Variants in NLRP5 observed in about 807,000 individuals in gnomAD.
NLRP5 encodes NLR family pyrin domain containing 5.
In NLRP5, 93 loss-of-function variants were observed where a neutral mutation model predicts 113.1. The ratio of observed to expected loss-of-function variants is 0.82; its 90% confidence interval spans 0.70 to 0.98. The LOEUF (loss-of-function observed/expected upper bound fraction) is 0.98. Ranked by LOEUF, NLRP5 falls within the 50% of genes least tolerant of loss-of-function variation. The pLI is 0.00. For synonymous variants in NLRP5, 751 were observed against 600.7 expected (o/e 1.25, Z -3.66); for missense variants, 1,808 against 1,514.3 (o/e 1.19, Z -3.22).
At chr19:55,995,056 G>A (rs1418392925), upstream of NLRP5, among the ~76,000 whole-genome samples, 2 of 152,240 alleles carry the variant, frequency 1.3e-5, no homozygotes, top group Admixed American at 1.3e-4. Context: ...CATGCTCTTT[G>A]TAGGGACATG....
At chr19:56,006,047 A>G (rs888820626) in intron 2 of NLRP5, among the ~76,000 whole-genome samples, 1 of 152,310 alleles carries the variant, frequency 6.6e-6, no homozygotes, top group African/African-American at 2.4e-5. Flanking sequence ...GCAGTTTTCC[A>G]TGAGGTAGAG....
intron 9 of NLRP5, among the ~76,000 whole-genome samples, chr19:56,035,385 ATGT>A (rs761700119): frequency 6.6e-6 from 1 of 152,232 alleles, no homozygotes; most frequent in African/African-American, 2.4e-5. Flanking sequence ...CAAAGCATAA[ATGT>A]TGTCTCAGGA....
chr19:56,053,974 C>T (rs574328702), intron 13 of NLRP5, among the ~76,000 whole-genome samples, 166 bp downstream of exon 13: 6 of 152,174 alleles, frequency 3.9e-5, no homozygotes, highest in South Asian at 2.1e-4. Context: ...AGTTCCAGCT[C>T]GGCTCCTATG....
chr19:56,032,120 G>T (rs768421229), intron 7 of NLRP5, among the ~76,000 whole-genome samples: 12 of 152,240 alleles, frequency 7.9e-5, no homozygotes, highest in Non-Finnish European at 1.5e-4. Flanking sequence ...CAAGGCGGGG[G>T]CAGATCATGA....
At chr19:55,999,544 A>G (rs1981541772), upstream of NLRP5, among the ~76,000 whole-genome samples, 1 of 152,038 alleles carries the variant, frequency 6.6e-6, no homozygotes, top group Non-Finnish European at 1.5e-5. Context: ...TCTGGCAGGT[A>G]GCTTTAGAGC....
At position 56,055,537 on chromosome 19, in the gene NLRP5, C is replaced by CTTTTTTTTTTTTTT; in HGVS notation, c.3299+1742_3299+1755dup. Among the ~76,000 whole-genome samples, 180 of 76,422 alleles carry CTTTTTTTTTTTTTT rather than the reference C, an allele frequency of 2.4e-3. 15 individuals are homozygous for CTTTTTTTTTTTTTT. Among genetic ancestry groups the CTTTTTTTTTTTTTT allele is most frequent in the Non-Finnish European group, 3.2e-3 (134 of 42,250 alleles). The allele number at this position is 76,422 out of a possible 152,430, so 50.1% of individuals were successfully genotyped here. On this transcript the variant is annotated intron_variant, in intron 13 of 14. Coordinates refer to ENST00000390649, the MANE Select transcript of NLRP5 (RefSeq NM_153447.4). ...CCATGTTCTATTTTTCTTTCTCTGT[C>CTTTTTTTTTTTTTT]TTTTTTTTTTTTTTTTTTTTTTTTT...
At chr19:56,038,974 C>T (rs1029282947) in intron 10 of NLRP5, among the ~76,000 whole-genome samples, 1 of 152,156 alleles carries the variant, frequency 6.6e-6, no homozygotes, top group African/African-American at 2.4e-5. Context: ...CCATGCCTGG[C>T]CCACTTGCTT....
chr19:56,006,742 ATTT>A (rs201866649), intron 2 of NLRP5, among the ~76,000 whole-genome samples: 1 of 149,918 alleles, frequency 6.7e-6, no homozygotes, highest in South Asian at 2.1e-4. Flanking sequence ...TAAAATAAAA[ATTT>A]TTTTTTGTTT....
chr19:56,028,442 C>A lies in NLRP5; in HGVS notation c.2209C>A (p.Arg737=). The A allele has an allele frequency of 6.2e-7, 1 of 1,613,890 alleles. No individual in the cohort carries two copies. The highest frequency in any genetic ancestry group is 8.5e-7 in the Non-Finnish European group (1 of 1,179,890). Residue 737 remains arginine, a synonymous_variant, in exon 7 of 15, where the codon CGG becomes AGG. Coordinates refer to ENST00000390649, the MANE Select transcript of NLRP5 (RefSeq NM_153447.4). ...GCACTGTCCGTATTTGCGGAAAATTCGGGTGGATGTCAAAGGGATCTTCCC... is the reference window on the plus strand; with the variant it reads ...GCACTGTCCGTATTTGCGGAAAATTAGGGTGGATGTCAAAGGGATCTTCCC...
chr19:56,018,574 C>G (rs951606138), intron 4 of NLRP5: 1 of 152,162 alleles, frequency 6.6e-6, no homozygotes, highest in African/African-American at 2.4e-5. Context: ...CATTTGAATC[C>G]TGTGTCTAAT....
intron 3 of NLRP5, among the ~76,000 whole-genome samples, chr19:56,014,967 G>A (rs1324469854): frequency 6.6e-6 from 1 of 152,138 alleles, no homozygotes; most frequent in African/African-American, 2.4e-5. Flanking sequence ...ATTTTGATGA[G>A]ATTGCATTAT....
chr19:56,015,781 C>T lies in NLRP5; in HGVS notation c.548C>T (p.Ala183Val). Residue 183 changes from alanine to valine, a missense_variant, in exon 4 of 15, where the codon GCA becomes GTA. Physicochemically the swap from Ala to Val is moderately conservative, Grantham distance 64. Coordinates refer to ENST00000390649, the MANE Select transcript of NLRP5 (RefSeq NM_153447.4). ...GTGCAACAAGATAGTGCCACAGCTG[C>T]AGAGACAAAAGAACAAGGTGAATGA... is the stretch of plus-strand genomic sequence containing the variant. The T allele has an allele frequency of 1.3e-6, 2 of 1,570,924 alleles. No homozygotes were observed. The highest frequency in any genetic ancestry group is 1.7e-6 in the Non-Finnish European group (2 of 1,156,546).
At chr19:56,025,806 G>A (rs1385882903) in intron 6 of NLRP5, among the ~76,000 whole-genome samples, 1 of 151,990 alleles carries the variant, frequency 6.6e-6, no homozygotes, top group Admixed American at 6.6e-5. Context: ...TGTAGAACTT[G>A]GGGCCATGGT....
intron 13 of NLRP5, among the ~76,000 whole-genome samples, chr19:56,054,423 T>A (rs1322458025): frequency 1.3e-5 from 2 of 151,950 alleles, no homozygotes; most frequent in African/African-American, 2.4e-5. Flanking sequence ...CCAGGTGTGG[T>A]GGCGCATGCT....
chr19:56,059,351 G>A (rs1984268456), intron 14 of NLRP5, among the ~76,000 whole-genome samples: 1 of 152,162 alleles, frequency 6.6e-6, no homozygotes, highest in Non-Finnish European at 1.5e-5. Context: ...GATGTCTTCA[G>A]TGTTTAGTGG....
At chr19:55,991,529 CAGAT>C in the NLRP5 span, among the ~76,000 whole-genome samples, 7,608 of 152,226 alleles carry the variant, frequency 0.05, 255 homozygotes, top group South Asian at 0.11. Context: ...GCTCTCAAAA[CAGAT>C]AGCCACTTTT....
chr19:55,992,238 G>T, the NLRP5 span, among the ~76,000 whole-genome samples: 1 of 152,054 alleles, frequency 6.6e-6, no homozygotes, highest in Admixed American at 6.6e-5. Context: ...CATGGTGTAC[G>T]TGTACCACAT....
chr19:56,035,491 A>G (rs1037195959), intron 9 of NLRP5, among the ~76,000 whole-genome samples: 8 of 152,232 alleles, frequency 5.3e-5, no homozygotes, highest in African/African-American at 1.9e-4. Flanking sequence ...CTGCACCACA[A>G]GTGCAGAGAG....
Position 56,005,638 on chromosome 19 carries a change from A to ACG in NLRP5, c.442+1544_442+1545insGC, listed in dbSNP as rs199510267. Among the ~76,000 whole-genome samples the ACG allele has an allele frequency of 5.2e-4, 71 of 136,548 alleles. 1 individual carries two copies. In the East Asian group the frequency reaches 8.0e-3, roughly 15 times the overall value. 89.6% of individuals were successfully genotyped at this position (136,548 alleles called of 152,430 possible). A position where few individuals can be genotyped will look rare whatever the true frequency, so the allele number is the denominator to read the frequency against. On this transcript the variant is annotated intron_variant, in intron 2 of 14. Transcript: ENST00000390649. ...CATATATATTTATACACACACACAC[A>ACG]CACACGCGCGCAGGTGGCATGCCTG...
Sources: allele counts gnomAD v4.1 joint callset (sites outside exome capture counted in the v4.1 genomes callset), GRCh38; gene constraint gnomAD v4.1.1; transcripts MANE v1.5; gene names NCBI Gene and HGNC (gene_info 2026-07-23, HGNC 2026-07-21).